The following FAM168A variants were observed in gnomAD, a reference collection of about 807,000 sequenced individuals.
FAM168A encodes family with sequence similarity 168 member A, also known as protein FAM168A.
A neutral mutation model predicts 28.5 loss-of-function variants in FAM168A; 3 were observed. The ratio of observed to expected loss-of-function variants is 0.11; its 90% CI spans 0.05 to 0.27. FAM168A has a LOEUF of 0.27. FAM168A is among the 10% of genes least tolerant of loss of function. The pLI is 1.00. For missense variants in FAM168A, 222 were observed against 311.5 expected (o/e 0.71, Z 2.16); for synonymous variants, 122 against 124.2 (o/e 0.98, Z 0.12).
chr11:73,454,124 T>C (rs1203179547), intron 2 of FAM168A, among the ~76,000 whole-genome samples: 1 of 152,180 alleles, frequency 6.6e-6, no homozygotes, highest in Non-Finnish European at 1.5e-5. Flanking sequence ...TGAGCTCACC[T>C]CATCTTAATC....
chr11:73,407,737 C>A, intron 6 of FAM168A, 94 bp from the exon 7 acceptor site: 1 of 1,031,558 alleles, frequency 9.7e-7, no homozygotes, highest in Non-Finnish European at 1.4e-6. Flanking sequence ...TGGCTGCTCC[C>A]TCTGCCCAAA....
Position 73,406,701 on chromosome 11 carries a change from C to G in FAM168A, c.*62G>C, listed in dbSNP as rs974758275. On this transcript the variant is annotated 3_prime_UTR_variant, in exon 8 of 8. Transcript: ENST00000356467. ...TGCTGCTAGGGAACTGCTCCAGCAC[C>G]GGTGTAAGACTTGAGTAGTTGCATA... The G allele has an allele frequency of 6.6e-6, 1 of 152,654 alleles. No individual in the cohort carries two copies. The highest frequency in any genetic ancestry group is 6.5e-5 in the Admixed American group (1 of 15,284). The allele number at this position is 152,654 out of a possible 1,614,324, so 9.5% of individuals were successfully genotyped here. A position where few individuals can be genotyped will look rare whatever the true frequency, so the allele number is the denominator to read the frequency against.
chr11:73,423,677 C>T (rs1373027298), intron 3 of FAM168A, among the ~76,000 whole-genome samples: 7 of 152,148 alleles, frequency 4.6e-5, no homozygotes, highest in African/African-American at 1.7e-4. Context: ...CTTTCCTTCT[C>T]CCCACCCCTT....
intron 1 of FAM168A, among the ~76,000 whole-genome samples, chr11:73,572,896 T>A (rs603032): frequency 0.38 from 57,095 of 151,012 alleles, 11,867 homozygotes; most frequent in African/African-American, 0.56. Flanking sequence ...AAATAAATAA[T>A]TAATTAAACA....
chr11:73,572,582 C>T (rs1944116083), intron 1 of FAM168A, among the ~76,000 whole-genome samples: 1 of 150,258 alleles, frequency 6.7e-6, no homozygotes. Context: ...TTACCCCCAA[C>T]CCTGTGCTCT....
chr11:73,489,758 G>A (rs561751634), intron 1 of FAM168A, among the ~76,000 whole-genome samples: 173 of 152,244 alleles, frequency 1.1e-3, no homozygotes, highest in Middle Eastern at 0.01. Flanking sequence ...TAATCTGCCC[G>A]CCTCAGCTTC....
intron 1 of FAM168A, among the ~76,000 whole-genome samples, chr11:73,533,373 C>T (rs1943538302): frequency 6.6e-6 from 1 of 152,164 alleles, no homozygotes; most frequent in African/African-American, 2.4e-5. Context: ...AAAGGTCTCT[C>T]TAAAGCCAAA....
intron 1 of FAM168A, among the ~76,000 whole-genome samples, chr11:73,568,140 C>T (rs1426981630): frequency 4.6e-5 from 7 of 152,116 alleles, no homozygotes; most frequent in African/African-American, 1.5e-4. Context: ...TATATATGCA[C>T]ATGCACAACT....
intron 1 of FAM168A, among the ~76,000 whole-genome samples, chr11:73,593,068 TA>T (rs1944400409): frequency 6.6e-6 from 1 of 152,184 alleles, no homozygotes; most frequent in Non-Finnish European, 1.5e-5. Context: ...ATTCTATTTA[TA>T]AAAAGTTGCA....
intron 1 of FAM168A, among the ~76,000 whole-genome samples, chr11:73,495,587 A>C (rs1854857596): frequency 6.6e-6 from 1 of 152,228 alleles, no homozygotes; most frequent in Admixed American, 6.5e-5. Flanking sequence ...GAGTTTTACA[A>C]CTAATACAAT....
chr11:73,587,162 A>AAC (rs1177488898), intron 1 of FAM168A, among the ~76,000 whole-genome samples: 3 of 146,288 alleles, frequency 2.1e-5, no homozygotes, highest in African/African-American at 7.9e-5. Flanking sequence ...TAAAAAAAAA[A>AAC]AAAAAAAAAA....
chr11:73,463,300 T>A (rs945808501), intron 2 of FAM168A, among the ~76,000 whole-genome samples: 8 of 152,128 alleles, frequency 5.3e-5, no homozygotes. Flanking sequence ...CAATCTTTTT[T>A]AAAAAGGCAG....
chr11:73,595,930 ATC>A (rs1434159080), intron 1 of FAM168A, among the ~76,000 whole-genome samples: 1 of 152,206 alleles, frequency 6.6e-6, no homozygotes, highest in African/African-American at 2.4e-5. Flanking sequence ...GTACCAAACC[ATC>A]TCACCAATGA....
intron 1 of FAM168A, among the ~76,000 whole-genome samples, chr11:73,513,206 T>A (rs1437479100): frequency 6.1e-5 from 6 of 98,730 alleles, no homozygotes; most frequent in African/African-American, 3.0e-4. Flanking sequence ...TTTTTTTTAA[T>A]TTTTTTTTTT....
rs562017071 is a variant in FAM168A at position 73,573,891 on chromosome 11, G to C, written c.-19+24032C>G. ...GGATCACTATGTCCAGGAGTTCCAC[G>C]CTGCAGTAAGCTATGAGCGGGACTC... On this transcript the variant is annotated intron_variant, in intron 1 of 7. Coordinates refer to ENST00000356467, the MANE Select transcript of FAM168A (RefSeq NM_015159.3). Among the ~76,000 whole-genome samples the C allele has an allele frequency of 1.3e-4, 20 of 152,256 alleles. No homozygotes were observed. In the South Asian group the frequency reaches 3.7e-3, roughly 28 times the overall value.
chr11:73,586,146 C>A (rs1426313797), intron 1 of FAM168A, among the ~76,000 whole-genome samples: 1 of 152,174 alleles, frequency 6.6e-6, no homozygotes, highest in African/African-American at 2.4e-5. Context: ...TGGAAGCCAG[C>A]ATGTCACATA....
intron 3 of FAM168A, among the ~76,000 whole-genome samples, chr11:73,423,853 G>A (rs1345725021): frequency 6.6e-6 from 1 of 152,210 alleles, no homozygotes; most frequent in Non-Finnish European, 1.5e-5. Context: ...CCAGCTTAGA[G>A]CCTGGCACAG....
chr11:73,589,202 C>A (rs887749653), intron 1 of FAM168A, among the ~76,000 whole-genome samples: 2 of 151,928 alleles, frequency 1.3e-5, no homozygotes, highest in African/African-American at 2.4e-5. Context: ...AAATTATGCA[C>A]GGGTAAAAGA....
At chr11:73,482,437 G>A (rs1299323937) in intron 1 of FAM168A, among the ~76,000 whole-genome samples, 1 of 151,774 alleles carries the variant, frequency 6.6e-6, no homozygotes, top group Admixed American at 6.6e-5. Context: ...TTCCAGGAAA[G>A]CCCCTCCCCA....
Sources: gnomAD v4.1 joint callset for allele counts (sites outside exome capture counted in the v4.1 genomes callset) on GRCh38, gnomAD v4.1.1 for gene constraint, MANE v1.5 for transcripts, NCBI Gene and HGNC (gene_info 2026-07-23, HGNC 2026-07-21) for gene names.